PDE4D: variants seen among roughly 807,000 people sequenced by gnomAD.
The protein encoded by PDE4D is phosphodiesterase 4D.
Under a neutral mutation model 87.4 loss-of-function variants are expected in PDE4D, and 24 were observed. The observed-to-expected ratio is 0.27, with a 90% CI of 0.20 to 0.39. The LOEUF is 0.39. PDE4D is among the 10% of genes least tolerant of loss of function. The probability of loss-of-function intolerance (pLI) is 1.00; values close to 1 mark genes in which losing one functional copy is unlikely to be tolerated. For missense variants in PDE4D, 714 were observed against 1,041.0 expected, an observed-to-expected ratio of 0.69 and a Z score of 4.32; for synonymous variants, 384 against 383.2, an observed-to-expected ratio of 1.00 and a Z score of -0.02.
intron 1 of PDE4D, among the ~76,000 whole-genome samples, chr5:59,875,405 G>C (rs983652395): frequency 6.6e-5 from 9 of 136,788 alleles, no homozygotes; most frequent in African/African-American, 2.4e-4. Context: ...AGGTTGCAGT[G>C]AGCCGAGATT....
chr5:59,279,029 A>C (rs1212647310), intron 1 of PDE4D, among the ~76,000 whole-genome samples: 1 of 152,026 alleles, frequency 6.6e-6, no homozygotes, highest in Non-Finnish European at 1.5e-5. Flanking sequence ...TTACTATACA[A>C]CTCAGGTTTT....
At chr5:59,294,373 CCTGT>C (rs1320395347) in intron 1 of PDE4D, among the ~76,000 whole-genome samples, 1 of 151,968 alleles carries the variant, frequency 6.6e-6, no homozygotes, top group Non-Finnish European at 1.5e-5. Context: ...AAATGGTGGC[CCTGT>C]CTTTCTGCAT....
At chr5:59,690,366 CAG>C (rs1300438931) in intron 1 of PDE4D, among the ~76,000 whole-genome samples, 2 of 152,146 alleles carry the variant, frequency 1.3e-5, no homozygotes, top group African/African-American at 2.4e-5. Flanking sequence ...GGTACCAAAA[CAG>C]AGATATAGAC....
intron 3 of PDE4D, among the ~76,000 whole-genome samples, chr5:59,986,028 T>C (rs1762429611): frequency 6.6e-6 from 1 of 152,200 alleles, no homozygotes. Flanking sequence ...ACATAGACAA[T>C]TCGGAACCCT....
chr5:60,515,324 T>C (rs1361656654), intron 1 of PDE4D, among the ~76,000 whole-genome samples: 1 of 152,180 alleles, frequency 6.6e-6, no homozygotes, highest in Non-Finnish European at 1.5e-5. Flanking sequence ...GACCCTTTTA[T>C]TGAAATATCA....
rs992760308 is a variant in PDE4D at position 59,549,488 on chromosome 5, A to G, written c.456-333520T>C. Among the ~76,000 whole-genome samples the G allele has an allele frequency of 2.6e-5, 4 of 152,310 alleles. No individual in the cohort carries two copies. The East Asian group carries it at 7.7e-4, about 29-fold the overall frequency. On this transcript the variant is annotated intron_variant, in intron 1 of 14. Coordinates refer to ENST00000340635, the MANE Select transcript of PDE4D (RefSeq NM_001104631.2). ...ATCTCTTTAGCAAAAGGACTTTTTC[A>G]AGGGTTGAATCTCTTATAGTTTCTC...
chr5:60,262,229 T>G (rs1170560119), intron 1 of PDE4D, among the ~76,000 whole-genome samples: 1 of 152,138 alleles, frequency 6.6e-6, no homozygotes, highest in African/African-American at 2.4e-5. Flanking sequence ...GTTGCTCCCG[T>G]CCCTCAAACA....
At chr5:59,563,332 T>C (rs1231284523) in intron 1 of PDE4D, among the ~76,000 whole-genome samples, 7 of 152,224 alleles carry the variant, frequency 4.6e-5, no homozygotes, top group South Asian at 4.1e-4. Context: ...GCAGGACTCA[T>C]TGATAGAAAG....
chr5:60,058,756 C>T (rs1041540754), intron 2 of PDE4D, among the ~76,000 whole-genome samples: 1 of 151,796 alleles, frequency 6.6e-6, no homozygotes, highest in Non-Finnish European at 1.5e-5. Context: ...TCTCTTGTTG[C>T]CCTATAACAT....
At chr5:59,911,487 C>A (rs1561851110) in intron 3 of PDE4D, among the ~76,000 whole-genome samples, 2 of 152,154 alleles carry the variant, frequency 1.3e-5, no homozygotes, top group South Asian at 2.1e-4. Flanking sequence ...CCTTAAAAAA[C>A]CCCAGTCTCT....
intron 1 of PDE4D, among the ~76,000 whole-genome samples, chr5:59,559,523 T>TG (rs1819576961): frequency 6.6e-6 from 1 of 152,176 alleles, no homozygotes; most frequent in Non-Finnish European, 1.5e-5. Flanking sequence ...AAGCCTCCAG[T>TG]GGCCCTCTTG....
chr5:59,725,992 T>A (rs941508669), intron 1 of PDE4D, among the ~76,000 whole-genome samples: 11 of 152,226 alleles, frequency 7.2e-5, no homozygotes, highest in Non-Finnish European at 4.4e-5. Context: ...AGGACTGCTA[T>A]GAGGGTTGAA....
chr5:59,857,586 T>C (rs1016080929), intron 1 of PDE4D, among the ~76,000 whole-genome samples: 17 of 152,122 alleles, frequency 1.1e-4, no homozygotes, highest in Non-Finnish European at 1.9e-4. Flanking sequence ...TGAATCAGTA[T>C]TGATTTTTTT....
At chr5:60,363,822 A>C (rs1760289150) in intron 1 of PDE4D, among the ~76,000 whole-genome samples, 1 of 152,232 alleles carries the variant, frequency 6.6e-6, no homozygotes, top group Non-Finnish European at 1.5e-5. Context: ...TATTTGAAGA[A>C]GAGAAAGAAG....
At chr5:60,264,040 G>GA (rs915677837) in intron 1 of PDE4D, among the ~76,000 whole-genome samples, 2 of 151,924 alleles carry the variant, frequency 1.3e-5, no homozygotes, top group Non-Finnish European at 2.9e-5. Flanking sequence ...AGGGATTTCT[G>GA]AAAAGGAGAC....
intron 1 of PDE4D, among the ~76,000 whole-genome samples, chr5:60,473,280 A>G (rs746961960): frequency 1.3e-5 from 2 of 152,038 alleles, no homozygotes; most frequent in Non-Finnish European, 2.9e-5. Flanking sequence ...GGAGGCAGAG[A>G]AGCAAGGGAG....
At chr5:60,070,081 G>C (rs1310319556) in intron 2 of PDE4D, among the ~76,000 whole-genome samples, 1 of 152,014 alleles carries the variant, frequency 6.6e-6, no homozygotes, top group East Asian at 1.9e-4. Context: ...TTTCTTAATT[G>C]AATCTTCAGA....
chr5:60,423,849 A>C (rs1743373198), intron 1 of PDE4D, among the ~76,000 whole-genome samples: 1 of 152,228 alleles, frequency 6.6e-6, no homozygotes, highest in Non-Finnish European at 1.5e-5. Context: ...AAAATGATAA[A>C]GGTGATATCA....
At chr5:59,380,895 G>C (rs1480348395) in intron 1 of PDE4D, among the ~76,000 whole-genome samples, 1 of 151,960 alleles carries the variant, frequency 6.6e-6, no homozygotes, top group Non-Finnish European at 1.5e-5. Flanking sequence ...TGTAAATAAA[G>C]TTTATTGGAA....
Sources: gnomAD v4.1 joint callset for allele counts (sites outside exome capture counted in the v4.1 genomes callset) on GRCh38, gnomAD v4.1.1 for gene constraint, MANE v1.5 for transcripts, NCBI Gene and HGNC (gene_info 2026-07-23, HGNC 2026-07-21) for gene names.